CLOCK: variants seen among roughly 807,000 people sequenced by gnomAD.
CLOCK encodes the protein circadian locomoter output cycles protein kaput.
CLOCK carries 43 observed loss-of-function variants against 118.4 expected under a neutral mutation model. The ratio of observed to expected loss-of-function variants is 0.36; its 90% CI spans 0.28 to 0.47. CLOCK has a LOEUF of 0.47. CLOCK is among the 20% of genes least tolerant of loss of function. The pLI, the probability that CLOCK is intolerant of heterozygous loss-of-function variation, is 1.00. For missense variants in CLOCK, 846 were observed against 999.9 expected, an observed-to-expected ratio of 0.85 and a Z score of 2.08; for synonymous variants, 326 against 339.2, an observed-to-expected ratio of 0.96 and a Z score of 0.43.
Position 55,478,148 on chromosome 4 carries a change from T to A in CLOCK, c.256+667A>T, listed in dbSNP as rs550788326. 4.5e-4 allele frequency among the ~76,000 whole-genome samples: 68 copies of A among 152,156 alleles called. 1 individual carries two copies. Among genetic ancestry groups the A allele is most frequent in the African/African-American group, 1.5e-3 (62 of 41,562 alleles). ...GAAATTTCCTTTTACAGGTTTTTTT[T>A]AAATCTATTATTATCTGTTACCAAA... is the stretch of plus-strand genomic sequence containing the variant. On this transcript the variant is annotated intron_variant, in intron 6 of 22. Coordinates refer to ENST00000513440, the MANE Select transcript of CLOCK (RefSeq NM_004898.4).
At chr4:55,482,076 A>C (rs62303722) in intron 4 of CLOCK, among the ~76,000 whole-genome samples, 34,858 of 152,066 alleles carry the variant, frequency 0.23, 4,551 homozygotes, top group South Asian at 0.37. Context: ...TGTAAAAAAC[A>C]AAGACAACTT....
chr4:55,473,749 C>A (rs1398173238), intron 7 of CLOCK, among the ~76,000 whole-genome samples: 1 of 152,034 alleles, frequency 6.6e-6, no homozygotes, highest in Non-Finnish European at 1.5e-5. Flanking sequence ...TATGTGTTCA[C>A]TTTGTGTCTC....
In CLOCK at chr4:55,463,678, T is replaced by C; in HGVS notation, c.559+7A>G. 6.2e-7 allele frequency: 1 copy of C among 1,612,952 alleles called. No homozygotes were observed. The highest frequency in any genetic ancestry group is 8.5e-7 in the Non-Finnish European group (1 of 1,179,230). On this transcript the variant is annotated splice_region_variant and intron_variant, in intron 9 of 22. Transcript: ENST00000513440. ...TTTGACTTTTTTGCTTAACAGCTACTACTTACATTTTAAATATTCTGGGGT... is the reference window on the plus strand; with the variant it reads ...TTTGACTTTTTTGCTTAACAGCTACCACTTACATTTTAAATATTCTGGGGT...
intron 1 of CLOCK, among the ~76,000 whole-genome samples, chr4:55,520,711 T>A (rs1729800679): frequency 6.6e-6 from 1 of 152,186 alleles, no homozygotes; most frequent in Non-Finnish European, 1.5e-5. Context: ...TTTAGAGGTA[T>A]TTTAAATACT....
At chr4:55,441,709 T>A (rs1302622226) in intron 21 of CLOCK, among the ~76,000 whole-genome samples, 1 of 151,908 alleles carries the variant, frequency 6.6e-6, no homozygotes, top group Admixed American at 6.5e-5. Flanking sequence ...CAGAGTGATA[T>A]AATAGACTTT....
chr4:55,526,946 C>A (rs376086250), intron 1 of CLOCK, among the ~76,000 whole-genome samples: 1,509 of 87,926 alleles, frequency 0.017, no homozygotes, highest in South Asian at 0.024. Flanking sequence ...GACTCCGTCT[C>A]AAAAAAAAAA....
chr4:55,530,534 G>A (rs1326145603), intron 1 of CLOCK, among the ~76,000 whole-genome samples: 1 of 151,894 alleles, frequency 6.6e-6, no homozygotes, highest in African/African-American at 2.4e-5. Flanking sequence ...CAGCACTTTG[G>A]GAGGCCGAGG....
intron 21 of CLOCK, chr4:55,442,209 G>A: frequency 1.8e-6 from 1 of 540,654 alleles, no homozygotes. Context: ...ATAATATTTT[G>A]TAGCATATTT....
At position 55,444,721 on chromosome 4, in the gene CLOCK, C is replaced by T; in HGVS notation, c.1604G>A (p.Arg535His). The T allele has an allele frequency of 1.2e-6, 2 of 1,614,044 alleles. No individual in the cohort carries two copies. Among genetic ancestry groups the T allele is most frequent in the South Asian group, 2.2e-5 (2 of 91,082 alleles). Residue 535 changes from arginine (R) to histidine (H), a missense_variant, in exon 19 of 23, where the codon CGC (arginine) becomes CAC (histidine). By Grantham distance (29) the Arg-to-His change is conservative. Transcript: ENST00000513440. ...HLKDQLEQRTRMIEANIHRQQ... is the reference protein window; with the variant it reads ...HLKDQLEQRTHMIEANIHRQQ... The stretch of plus-strand genomic sequence containing the variant: ...CCGATGAATATTTGCTTCTATCATG[C>T]GTGTCCGTTGTTCCAATTGGTCTTT...
chr4:55,513,031 G>T (rs1729262999), intron 1 of CLOCK, among the ~76,000 whole-genome samples: 1 of 152,098 alleles, frequency 6.6e-6, no homozygotes. Context: ...TACATTTAGT[G>T]TAGTCTAAGT....
At chr4:55,495,513 C>G (rs1424511937) in intron 2 of CLOCK, among the ~76,000 whole-genome samples, 1 of 152,046 alleles carries the variant, frequency 6.6e-6, no homozygotes, top group Non-Finnish European at 1.5e-5. Flanking sequence ...CTCTCCCTCC[C>G]TAAAACCTTA....
At chr4:55,533,783 A>T (rs180763226) in intron 1 of CLOCK, among the ~76,000 whole-genome samples, 1 of 152,214 alleles carries the variant, frequency 6.6e-6, no homozygotes, top group East Asian at 1.9e-4. Flanking sequence ...CACGCCTGTA[A>T]TCCCAGCTAC....
chr4:55,504,261 G>A (rs372940053), intron 2 of CLOCK, among the ~76,000 whole-genome samples: 3 of 140,528 alleles, frequency 2.1e-5, no homozygotes, highest in Admixed American at 7.4e-5. Context: ...ACTCCAGCCT[G>A]GGCGACACAG....
Position 55,438,527 on chromosome 4 carries a change from C to T in CLOCK, c.2116G>A (p.Gly706Ser). The stretch of plus-strand genomic sequence containing the variant: ...ACTAATTTGGTCACAAGTTGTTGAC[C>T]TTGAGAAAATCTGTTAGAAGAAAGA... Reference protein sequence around the residue: ...TQDRQIRFSQGQQLVTKLVTA... With the variant: ...TQDRQIRFSQSQQLVTKLVTA... Residue 706 changes from glycine (G) to serine (S), a missense_variant, in exon 22 of 23, where the codon GGT (glycine) becomes AGT (serine). Transcript: ENST00000513440. The T allele has an allele frequency of 6.2e-7, 1 of 1,613,402 alleles. No individual in the cohort carries two copies. Among genetic ancestry groups the T allele is most frequent in the South Asian group, 1.1e-5 (1 of 91,044 alleles).
intron 2 of CLOCK, chr4:55,501,798 A>C (rs998130981): frequency 6.6e-6 from 1 of 152,072 alleles, no homozygotes; most frequent in Non-Finnish European, 1.5e-5. Flanking sequence ...TATATCCTTC[A>C]CCCAGTTTCC....
At chr4:55,499,926 C>T (rs1034619719) in intron 2 of CLOCK, among the ~76,000 whole-genome samples, 2 of 152,156 alleles carry the variant, frequency 1.3e-5, no homozygotes, top group Admixed American at 1.3e-4. Flanking sequence ...AAAGCATGCT[C>T]CAGCTTCCAG....
At chr4:55,543,732 C>G (rs943663907) in intron 1 of CLOCK, among the ~76,000 whole-genome samples, 1 of 151,496 alleles carries the variant, frequency 6.6e-6, no homozygotes. Flanking sequence ...GAGCCAAGAT[C>G]GTGCCACTGC....
intron 1 of CLOCK, chr4:55,540,829 C>T (rs1671787916): frequency 6.6e-6 from 1 of 152,146 alleles, no homozygotes; most frequent in Non-Finnish European, 1.5e-5. Flanking sequence ...AGATAGCCCT[C>T]ACATTCAATT....
intron 1 of CLOCK, among the ~76,000 whole-genome samples, chr4:55,531,978 G>A (rs1203746619): frequency 6.7e-6 from 1 of 150,346 alleles, no homozygotes; most frequent in African/African-American, 2.4e-5. Context: ...TATATACCAT[G>A]ACCAAGTGGG....
Sources: gnomAD v4.1 joint callset for allele counts (sites outside exome capture counted in the v4.1 genomes callset) on GRCh38, gnomAD v4.1.1 for gene constraint, MANE v1.5 for transcripts, NCBI Gene and HGNC (gene_info 2026-07-23, HGNC 2026-07-21) for gene names.